Variants in SH3GL3 observed in about 807,000 individuals in gnomAD.
The protein encoded by SH3GL3 is SH3 domain containing GRB2 like 3, endophilin A3.
SH3GL3 carries 33 observed loss-of-function variants against 47.7 expected under a neutral mutation model. That is an observed-to-expected ratio of 0.69 (90% CI 0.52 to 0.92). SH3GL3 has a LOEUF of 0.92. SH3GL3 is among the 40% of genes least tolerant of loss of function. The pLI is 0.00. For synonymous variants in SH3GL3, 155 were observed against 148.8 expected (o/e 1.04, Z -0.30); for missense variants, 363 against 417.8 (o/e 0.87, Z 1.14).
intron 8 of SH3GL3, among the ~76,000 whole-genome samples, chr15:83,613,198 G>T (rs955308895): frequency 1.3e-5 from 2 of 152,226 alleles, no homozygotes; most frequent in African/African-American, 4.8e-5. Flanking sequence ...AGTGCCAATT[G>T]CTCTTAGTGT....
chr15:83,548,185 T>C (rs1268886157), intron 1 of SH3GL3, among the ~76,000 whole-genome samples: 2 of 151,858 alleles, frequency 1.3e-5, no homozygotes, highest in Non-Finnish European at 1.5e-5. Flanking sequence ...TTTTATGCTT[T>C]TGAAATTCTA....
intron 8 of SH3GL3, among the ~76,000 whole-genome samples, chr15:83,591,017 C>CT (rs931366795): frequency 3.3e-5 from 5 of 151,728 alleles, no homozygotes; most frequent in Admixed American, 6.6e-5. Context: ...TTTTCTTTTT[C>CT]TTTTTTTTGA....
chr15:83,460,574 A>G (rs2040242878), intron 1 of SH3GL3, among the ~76,000 whole-genome samples: 1 of 152,168 alleles, frequency 6.6e-6, no homozygotes, highest in Non-Finnish European at 1.5e-5. Context: ...CAGAACTTTC[A>G]TGTTTTATTA....
intron 8 of SH3GL3, among the ~76,000 whole-genome samples, chr15:83,608,725 T>C (rs1435889068): frequency 6.6e-6 from 1 of 151,942 alleles, no homozygotes; most frequent in East Asian, 1.9e-4. Flanking sequence ...AAGTTCCAAA[T>C]TGGGTTTCTA....
At chr15:83,564,641 CAAAT>C (rs1566991122) in intron 2 of SH3GL3, among the ~76,000 whole-genome samples, 1 of 152,134 alleles carries the variant, frequency 6.6e-6, no homozygotes, top group African/African-American at 2.4e-5. Context: ...GACCATAGCA[CAAAT>C]GAATGTGTTT....
chr15:83,495,215 G>A (rs1196147290), intron 1 of SH3GL3, among the ~76,000 whole-genome samples: 4 of 152,082 alleles, frequency 2.6e-5, no homozygotes, highest in Non-Finnish European at 5.9e-5. Context: ...TGCCTGGACA[G>A]GCCATGGCTC....
At chr15:83,487,812 T>C (rs2041676186) in intron 1 of SH3GL3, among the ~76,000 whole-genome samples, 1 of 152,110 alleles carries the variant, frequency 6.6e-6, no homozygotes, top group Non-Finnish European at 1.5e-5. Context: ...GCTGACATAG[T>C]TTTTCTCTTC....
rs559268705 is a variant in SH3GL3, at chr15:83,498,794, C to T, written c.45+51216C>T. ...GGAATGGTCACCCCCTACTGAAAAT[C>T]CTTCAGTGGCCCTTCAGTATAAACT... On this transcript the variant is annotated intron_variant, in intron 1 of 8. Coordinates refer to ENST00000427482, the MANE Select transcript of SH3GL3 (RefSeq NM_003027.5). Among the ~76,000 whole-genome samples, 5 of 152,314 alleles carry T rather than the reference C, an allele frequency of 3.3e-5. No individual in the cohort carries two copies. In the South Asian group the frequency reaches 8.3e-4, roughly 25 times the overall value.
intron 1 of SH3GL3, among the ~76,000 whole-genome samples, chr15:83,503,561 CA>C (rs2042374403): frequency 1.3e-5 from 2 of 152,178 alleles, no homozygotes; most frequent in Non-Finnish European, 2.9e-5. Context: ...TAAGCCTCAA[CA>C]ACCTTACGGG....
intron 8 of SH3GL3, among the ~76,000 whole-genome samples, chr15:83,592,207 C>G (rs187055426): frequency 6.6e-6 from 1 of 152,290 alleles, no homozygotes; most frequent in Admixed American, 6.5e-5. Flanking sequence ...AAGATAATGG[C>G]TTAGCTTCCT....
intron 1 of SH3GL3, among the ~76,000 whole-genome samples, chr15:83,542,545 T>C (rs2151704279): frequency 6.6e-6 from 1 of 152,322 alleles, no homozygotes; most frequent in South Asian, 2.1e-4. Context: ...GCATTGAGTT[T>C]GTAGGTTGCT....
At chr15:83,562,030 AACACACACACACAC>A (rs55856428) in intron 2 of SH3GL3, among the ~76,000 whole-genome samples, 2,698 of 133,072 alleles carry the variant, frequency 0.02, 38 homozygotes, top group African/African-American at 0.042. Context: ...ACACACACAC[AACACACACACACAC>A]ACACACACAC....
intron 6 of SH3GL3, among the ~76,000 whole-genome samples, chr15:83,577,922 G>A (rs186197368): frequency 7.2e-5 from 11 of 152,318 alleles, no homozygotes; most frequent in South Asian, 2.1e-4. Flanking sequence ...TCTGGGGGGC[G>A]GACAGCCGCT....
At chr15:83,629,252 G>T in the SH3GL3 span, among the ~76,000 whole-genome samples, 1 of 152,136 alleles carries the variant, frequency 6.6e-6, no homozygotes, top group African/African-American at 2.4e-5. Context: ...AAATCCAAAA[G>T]TCCTAGAATA....
At chr15:83,588,564 TG>T (rs977450357) in intron 7 of SH3GL3, 97 bp from the exon 8 acceptor site, 2 of 758,808 alleles carry the variant, frequency 2.6e-6, no homozygotes, top group African/African-American at 3.4e-5. Flanking sequence ...GACCACTGGC[TG>T]TAACCTAAGT....
intron 1 of SH3GL3, among the ~76,000 whole-genome samples, chr15:83,463,399 T>A (rs1174045339): frequency 6.6e-6 from 1 of 152,076 alleles, no homozygotes; most frequent in Non-Finnish European, 1.5e-5. Flanking sequence ...ATCCTTTTTG[T>A]CAATAAAAGC....
intron 1 of SH3GL3, among the ~76,000 whole-genome samples, chr15:83,499,068 G>A (rs553677274): frequency 1.1e-4 from 16 of 152,092 alleles, no homozygotes; most frequent in South Asian, 6.2e-4. Flanking sequence ...ATTTTTACCC[G>A]TTTCCTTCCT....
intron 1 of SH3GL3, among the ~76,000 whole-genome samples, chr15:83,520,146 G>A (rs1358071889): frequency 2.0e-5 from 3 of 152,316 alleles, no homozygotes; most frequent in Admixed American, 2.0e-4. Context: ...TTAGAGGTGA[G>A]GAGCCCTGAG....
intron 8 of SH3GL3, among the ~76,000 whole-genome samples, chr15:83,602,729 G>C (rs1167357404): frequency 2.0e-5 from 3 of 152,218 alleles, no homozygotes; most frequent in Admixed American, 6.5e-5. Flanking sequence ...AAATTTCAAG[G>C]ACCCCCTACC....
Sources: allele counts gnomAD v4.1 joint callset (sites outside exome capture counted in the v4.1 genomes callset), GRCh38; gene constraint gnomAD v4.1.1; transcripts MANE v1.5; gene names NCBI Gene and HGNC (gene_info 2026-07-23, HGNC 2026-07-21).